Variants in CCDC178 observed in about 807,000 individuals in gnomAD.
CCDC178 encodes the protein coiled-coil domain-containing protein 178.
Under a neutral mutation model 117.4 loss-of-function variants are expected in CCDC178, and 126 were observed. The observed-to-expected ratio is 1.07, with a 90% confidence interval of 0.93 to 1.24. CCDC178 has a LOEUF of 1.24. Among genes scored for constraint, CCDC178 ranks in the 50% most tolerant of loss-of-function variants. CCDC178 has a pLI of 0.00. For synonymous variants in CCDC178, 283 were observed against 313.4 expected, an observed-to-expected ratio of 0.90 and a Z score of 1.02; for missense variants, 1,030 against 986.9, an observed-to-expected ratio of 1.04 and a Z score of -0.59.
chr18:33,110,731 C>T (rs754065193), intron 20 of CCDC178, among the ~76,000 whole-genome samples: 1 of 151,522 alleles, frequency 6.6e-6, no homozygotes, highest in Non-Finnish European at 1.5e-5. Context: ...TGTTTACATT[C>T]TAAGTGTGTT....
At chr18:33,100,709 G>T (rs985278413) in intron 20 of CCDC178, among the ~76,000 whole-genome samples, 7 of 151,936 alleles carry the variant, frequency 4.6e-5, no homozygotes, top group African/African-American at 1.7e-4. Context: ...CCTGATCAAT[G>T]TGGGTGTGTG....
Position 33,030,770 on chromosome 18 carries a change from C to A in CCDC178, c.2389-56089G>T, listed in dbSNP as rs8085522. Reference sequence around the variant, plus strand: ...ATCAATAGACATAGATGATAGATGACAGATAGATAAGAAGATAGATAGATA... The same window carrying A: ...ATCAATAGACATAGATGATAGATGAAAGATAGATAAGAAGATAGATAGATA... On this transcript the variant is annotated intron_variant, in intron 21 of 22. Coordinates refer to ENST00000383096, the MANE Select transcript of CCDC178 (RefSeq NM_001105528.4). 2.0e-5 allele frequency among the ~76,000 whole-genome samples: 3 copies of A among 151,406 alleles called. No homozygotes were observed. The South Asian group carries it at 6.3e-4, about 32-fold the overall frequency.
chr18:33,063,853 T>C (rs1196581016), intron 21 of CCDC178, among the ~76,000 whole-genome samples: 2 of 152,150 alleles, frequency 1.3e-5, no homozygotes, highest in Non-Finnish European at 2.9e-5. Context: ...ATTCACATTT[T>C]CAGCAAACCC....
At chr18:33,319,245 G>A (rs1451676746) in intron 11 of CCDC178, among the ~76,000 whole-genome samples, 1 of 151,748 alleles carries the variant, frequency 6.6e-6, no homozygotes, top group Non-Finnish European at 1.5e-5. Context: ...CCTGTGTCCA[G>A]GTGTTCTCGG....
At chr18:33,282,533 C>G (rs1168057278) in intron 12 of CCDC178, among the ~76,000 whole-genome samples, 1 of 152,102 alleles carries the variant, frequency 6.6e-6, no homozygotes, top group African/African-American at 2.4e-5. Context: ...AGGGCAGTCT[C>G]GAGTGGGGCC....
intron 15 of CCDC178, among the ~76,000 whole-genome samples, chr18:33,230,957 C>T (rs1020250975): frequency 2.0e-5 from 3 of 152,180 alleles, no homozygotes; most frequent in African/African-American, 7.2e-5. Context: ...GAAAAATTGC[C>T]ACTTAGCAAC....
chr18:33,277,789 G>A (rs943120103), intron 12 of CCDC178, among the ~76,000 whole-genome samples: 2 of 152,092 alleles, frequency 1.3e-5, no homozygotes, highest in African/African-American at 4.8e-5. Context: ...CCAAAAGAAA[G>A]TTATGCTTTC....
intron 20 of CCDC178, among the ~76,000 whole-genome samples, chr18:33,123,728 C>G (rs568088348): frequency 8.6e-5 from 13 of 152,040 alleles, no homozygotes; most frequent in African/African-American, 3.1e-4. Flanking sequence ...ATGTCAAATT[C>G]TATCAAATTT....
intron 22 of CCDC178, among the ~76,000 whole-genome samples, chr18:32,961,478 CT>C (rs1470305414): frequency 6.6e-6 from 1 of 152,032 alleles, no homozygotes; most frequent in Non-Finnish European, 1.5e-5. Context: ...CCAGTCTTTT[CT>C]TTTGTAAAGT....
At chr18:33,289,524 G>T (rs1476190853) in intron 12 of CCDC178, among the ~76,000 whole-genome samples, 1 of 152,092 alleles carries the variant, frequency 6.6e-6, no homozygotes, top group East Asian at 1.9e-4. Flanking sequence ...TGAGGCTGGA[G>T]AATCACTTGA....
At chr18:33,256,763 T>C (rs191933003) in intron 14 of CCDC178, among the ~76,000 whole-genome samples, 316 of 152,184 alleles carry the variant, frequency 2.1e-3, no homozygotes, top group Admixed American at 7.8e-3. Context: ...GTTCTATTTT[T>C]AGGTACACTA....
chr18:33,382,683 A>T (rs1599249482), intron 5 of CCDC178, among the ~76,000 whole-genome samples: 2 of 152,160 alleles, frequency 1.3e-5, no homozygotes, highest in South Asian at 4.1e-4. Context: ...CAATCCACAG[A>T]TGAGGAGATT....
chr18:33,268,488 A>C (rs529678159), intron 12 of CCDC178, among the ~76,000 whole-genome samples: 27 of 151,890 alleles, frequency 1.8e-4, no homozygotes, highest in Non-Finnish European at 4.0e-4. Context: ...CAGACGAATA[A>C]AAATCTAAAT....
Position 33,386,337 on chromosome 18 carries a change from T to C in CCDC178, c.208+3203A>G, listed in dbSNP as rs557051296. ...TTCCAAACAATTGAAAAGGAGGGACTCCTCCCTAACTCATTTTATGAGGCC... is the reference window on the plus strand; with the variant it reads ...TTCCAAACAATTGAAAAGGAGGGACCCCTCCCTAACTCATTTTATGAGGCC... On this transcript the variant is annotated intron_variant, in intron 5 of 22. Transcript: ENST00000383096. 4.6e-5 allele frequency among the ~76,000 whole-genome samples: 7 copies of C among 152,204 alleles called. No homozygotes were observed. In the East Asian group the frequency reaches 9.7e-4, roughly 21 times the overall value.
intron 12 of CCDC178, among the ~76,000 whole-genome samples, chr18:33,289,984 C>A (rs2060147408): frequency 6.6e-6 from 1 of 152,026 alleles, no homozygotes. Context: ...AAAAGCTCAA[C>A]TCTAATAATT....
intron 21 of CCDC178, among the ~76,000 whole-genome samples, chr18:33,052,533 T>C (rs2056763472): frequency 1.3e-5 from 2 of 152,172 alleles, no homozygotes; most frequent in Non-Finnish European, 2.9e-5. Context: ...AAGAGCCGCA[T>C]TTAGAGTCCA....
chr18:33,362,105 C>T (rs537520681), intron 6 of CCDC178, among the ~76,000 whole-genome samples: 1 of 151,400 alleles, frequency 6.6e-6, no homozygotes, highest in African/African-American at 2.4e-5. Context: ...GTGTTTGTGT[C>T]TCTGTGTATG....
At chr18:33,282,570 C>A (rs1320379052) in intron 12 of CCDC178, among the ~76,000 whole-genome samples, 1 of 152,158 alleles carries the variant, frequency 6.6e-6, no homozygotes, top group East Asian at 1.9e-4. Context: ...CATTGGTAAA[C>A]CATACCTAAG....
intron 11 of CCDC178, among the ~76,000 whole-genome samples, chr18:33,319,461 T>C (rs1023902797): frequency 7.2e-5 from 11 of 152,182 alleles, no homozygotes; most frequent in African/African-American, 2.7e-4. Flanking sequence ...TTTGGGTTGG[T>C]TCCAAGTCTT....
Sources: allele counts gnomAD v4.1 joint callset (sites outside exome capture counted in the v4.1 genomes callset), GRCh38; gene constraint gnomAD v4.1.1; transcripts MANE v1.5; gene names NCBI Gene and HGNC (gene_info 2026-07-23, HGNC 2026-07-21).